The following NCKAP5 variants were observed in gnomAD, a reference collection of about 807,000 sequenced individuals.
NCKAP5 encodes NCK associated protein 5.
A neutral mutation model predicts 167.0 loss-of-function variants in NCKAP5; 92 were observed. The ratio of observed to expected loss-of-function variants is 0.55; its 90% CI spans 0.47 to 0.66. The LOEUF (loss-of-function observed/expected upper bound fraction) is 0.66, where lower values mean the gene tolerates loss of function less well. Among genes scored for constraint, NCKAP5 ranks in the 30% least tolerant of loss-of-function variants. NCKAP5 has a pLI of 0.00. For synonymous variants in NCKAP5, 891 were observed against 877.4 expected (o/e 1.02, Z -0.27); for missense variants, 2,378 against 2,315.0 (o/e 1.03, Z -0.56).
chr2:132,754,391 C>T (rs1361652498), intron 16 of NCKAP5, among the ~76,000 whole-genome samples: 1 of 152,124 alleles, frequency 6.6e-6, no homozygotes, highest in African/African-American at 2.4e-5. Context: ...ACTATTTATT[C>T]AAGCAAGACA....
chr2:132,682,852 A>G (rs1364200655), intron 19 of NCKAP5, among the ~76,000 whole-genome samples: 1 of 151,540 alleles, frequency 6.6e-6, no homozygotes, highest in East Asian at 1.9e-4. Flanking sequence ...ACTTTCTGAA[A>G]TTGACATGTT....
At chr2:133,010,902 A>G (rs1348949049) in intron 6 of NCKAP5, among the ~76,000 whole-genome samples, 1 of 152,226 alleles carries the variant, frequency 6.6e-6, no homozygotes, top group Non-Finnish European at 1.5e-5. Flanking sequence ...ACTTGAGGGG[A>G]AAGGGCAGAG....
chr2:133,622,008 A>G, the NCKAP5 span, among the ~76,000 whole-genome samples: 6 of 152,192 alleles, frequency 3.9e-5, no homozygotes, highest in Admixed American at 3.3e-4. Context: ...GTGATTCTCC[A>G]CATAAACATA....
At chr2:133,576,049 A>G in the NCKAP5 span, among the ~76,000 whole-genome samples, 4 of 152,216 alleles carry the variant, frequency 2.6e-5, no homozygotes, top group Non-Finnish European at 5.9e-5. Context: ...CCAACTGGAA[A>G]AGGAGATGAA....
At chr2:133,077,925 C>G (rs1421007585) in intron 6 of NCKAP5, among the ~76,000 whole-genome samples, 2 of 152,200 alleles carry the variant, frequency 1.3e-5, no homozygotes, top group East Asian at 3.8e-4. Context: ...ATGGATGATG[C>G]TTTTATGTCT....
chr2:133,030,459 C>T (rs192266173), intron 6 of NCKAP5, among the ~76,000 whole-genome samples: 16 of 152,150 alleles, frequency 1.1e-4, no homozygotes, highest in East Asian at 3.9e-4. Context: ...GGTGTAAATC[C>T]GAACTTTATA....
At chr2:133,235,634 T>A (rs570561640) in intron 4 of NCKAP5, among the ~76,000 whole-genome samples, 1 of 152,156 alleles carries the variant, frequency 6.6e-6, no homozygotes, top group South Asian at 2.1e-4. Flanking sequence ...CTGGGCACAG[T>A]GGCTCATGCC....
chr2:133,532,793 C>T lies in NCKAP5; in HGVS notation c.-61-15206G>A, dbSNP rs373981096. On this transcript the variant is annotated intron_variant, in intron 2 of 19. Coordinates refer to ENST00000409261, the MANE Select transcript of NCKAP5 (RefSeq NM_207363.3). ...TGAAATTTTAATACCACAGATTTAC[C>T]GAATATCTGTTTATGTACAGATATG... is the stretch of plus-strand genomic sequence containing the variant. 4.6e-5 allele frequency among the ~76,000 whole-genome samples: 7 copies of T among 152,024 alleles called. No individual in the cohort carries two copies. In the East Asian group the frequency reaches 5.8e-4, roughly 13 times the overall value.
intron 7 of NCKAP5, among the ~76,000 whole-genome samples, chr2:132,975,848 T>C (rs1479327835): frequency 6.6e-6 from 1 of 151,902 alleles, no homozygotes; most frequent in African/African-American, 2.4e-5. Flanking sequence ...TCCCCCTTTA[T>C]CCTGTTTTCT....
chr2:133,064,227 T>C (rs867367735), intron 6 of NCKAP5, among the ~76,000 whole-genome samples: 1 of 152,226 alleles, frequency 6.6e-6, no homozygotes, highest in Non-Finnish European at 1.5e-5. Context: ...AAACTGTATA[T>C]AAACAAATTT....
At chr2:133,490,574 C>T (rs1200040596) in intron 3 of NCKAP5, among the ~76,000 whole-genome samples, 3 of 152,144 alleles carry the variant, frequency 2.0e-5, no homozygotes, top group Non-Finnish European at 4.4e-5. Flanking sequence ...AAAGATCCCA[C>T]CTAAAATTCA....
chr2:133,472,593 T>C (rs1166765876), intron 3 of NCKAP5, among the ~76,000 whole-genome samples: 1 of 152,136 alleles, frequency 6.6e-6, no homozygotes, highest in African/African-American at 2.4e-5. Flanking sequence ...GCTCATCTAC[T>C]ATCAAGCAAG....
intron 16 of NCKAP5, among the ~76,000 whole-genome samples, chr2:132,753,924 A>T (rs1286638395): frequency 6.6e-6 from 1 of 152,190 alleles, no homozygotes; most frequent in Non-Finnish European, 1.5e-5. Context: ...GCTCAGGAAT[A>T]ATCAGTGATG....
At chr2:133,095,375 G>A (rs1322554229) in intron 6 of NCKAP5, among the ~76,000 whole-genome samples, 5 of 152,150 alleles carry the variant, frequency 3.3e-5, no homozygotes, top group Admixed American at 3.3e-4. Flanking sequence ...TTATTTTCCT[G>A]CTCTTAGAAT....
In NCKAP5 at chr2:133,085,657, G is replaced by C. The variant is rs114283093; in HGVS notation, c.341+44321C>G. On this transcript the variant is annotated intron_variant, in intron 6 of 19. Coordinates refer to ENST00000409261, the MANE Select transcript of NCKAP5 (RefSeq NM_207363.3). ...GCAGAATCAAATATGGCCTGTATAA[G>C]TGATGTGGCAGTTAGAGCATGTGTT... Among the ~76,000 whole-genome samples, 270 of 152,274 alleles carry C rather than the reference G, an allele frequency of 1.8e-3. 1 individual carries two copies. Among genetic ancestry groups the C allele is most frequent in the Middle Eastern group, 6.8e-3 (2 of 294 alleles).
chr2:133,185,842 G>C (rs1371596346), intron 5 of NCKAP5, among the ~76,000 whole-genome samples: 1 of 152,068 alleles, frequency 6.6e-6, no homozygotes, highest in Non-Finnish European at 1.5e-5. Context: ...TAATTTATCA[G>C]TTCTGGGAGC....
intron 6 of NCKAP5, among the ~76,000 whole-genome samples, chr2:133,020,728 C>G (rs1211181043): frequency 6.6e-6 from 1 of 152,212 alleles, no homozygotes; most frequent in African/African-American, 2.4e-5. Context: ...CAATAACGCA[C>G]AAGACACAGG....
At chr2:133,567,281 G>T (rs921845511) in intron 1 of NCKAP5, among the ~76,000 whole-genome samples, 2 of 152,198 alleles carry the variant, frequency 1.3e-5, no homozygotes, top group Non-Finnish European at 2.9e-5. Context: ...ATTTTTCACT[G>T]GGCTCTTAAG....
intron 4 of NCKAP5, among the ~76,000 whole-genome samples, chr2:133,255,701 C>T (rs1018401977): frequency 4.6e-5 from 7 of 152,196 alleles, no homozygotes; most frequent in Non-Finnish European, 5.9e-5. Flanking sequence ...TAAAATAGCC[C>T]TTGCCAACCA....
Sources: allele counts gnomAD v4.1 joint callset (sites outside exome capture counted in the v4.1 genomes callset), GRCh38; gene constraint gnomAD v4.1.1; transcripts MANE v1.5; gene names NCBI Gene and HGNC (gene_info 2026-07-23, HGNC 2026-07-21).